BAIAP2: variants seen among roughly 807,000 people sequenced by gnomAD.
BAIAP2 encodes the protein BAR/IMD domain containing adaptor protein 2.
BAIAP2 carries 18 observed loss-of-function variants against 63.0 expected under a neutral mutation model. The ratio of observed to expected loss-of-function variants is 0.29; its 90% CI spans 0.20 to 0.42. BAIAP2 has a LOEUF of 0.42. Among genes scored for constraint, BAIAP2 ranks in the 10% least tolerant of loss-of-function variants. The pLI, the probability that BAIAP2 is intolerant of heterozygous loss-of-function variation, is 1.00. For missense variants in BAIAP2, 610 were observed against 734.3 expected, an observed-to-expected ratio of 0.83 and a Z score of 1.96; for synonymous variants, 386 against 307.6, an observed-to-expected ratio of 1.25 and a Z score of -2.67.
intron 6 of BAIAP2, among the ~76,000 whole-genome samples, chr17:81,088,910 C>G (rs930236369): frequency 2.0e-5 from 3 of 152,228 alleles, no homozygotes; most frequent in Non-Finnish European, 4.4e-5. Context: ...CCCCCTCCCT[C>G]CTGCAGGCTG....
chr17:81,104,276 C>T (rs1027421206), intron 9 of BAIAP2, among the ~76,000 whole-genome samples, 168 bp downstream of exon 9: 3 of 152,228 alleles, frequency 2.0e-5, no homozygotes, highest in Non-Finnish European at 2.9e-5. Flanking sequence ...TGCCCAGCAT[C>T]CAGCTCCCTC....
chr17:81,052,674 C>A (rs2048855949), intron 1 of BAIAP2, among the ~76,000 whole-genome samples: 1 of 152,306 alleles, frequency 6.6e-6, no homozygotes, highest in East Asian at 1.9e-4. Context: ...CCCTAAATGC[C>A]CTTTCTATCT....
chr17:81,098,406 C>T (rs1053872086), intron 6 of BAIAP2, among the ~76,000 whole-genome samples: 9 of 148,138 alleles, frequency 6.1e-5, no homozygotes. Context: ...TTTGCTTGCA[C>T]TACTTCTTTT....
Position 81,116,123 on chromosome 17 carries a change from G to A in BAIAP2, c.*284G>A. 1.9e-6 allele frequency: 3 copies of A among 1,574,106 alleles called. No homozygotes were observed. The highest frequency in any genetic ancestry group is 1.1e-5 in the South Asian group (1 of 87,570). On this transcript the variant is annotated 3_prime_UTR_variant, in exon 14 of 14. Coordinates refer to ENST00000428708, the MANE Select transcript of BAIAP2 (RefSeq NM_001144888.2). ...TCTGGTCACATGGCCATGGAGCCTT[G>A]GGTACCCCTGAGTTAAGGGAGGACA...
At chr17:81,093,127 GGCTGT>G (rs1197363675) in intron 6 of BAIAP2, among the ~76,000 whole-genome samples, 7 of 142,640 alleles carry the variant, frequency 4.9e-5, no homozygotes, top group African/African-American at 1.3e-4. Context: ...GGCTGGGCTG[GGCTGT>G]GGGCACGAGG....
chr17:81,116,159 T>G lies in BAIAP2; in HGVS notation c.*320T>G. 1 of 1,602,976 alleles carries G rather than the reference T, an allele frequency of 6.2e-7. No individual in the cohort carries two copies. Among genetic ancestry groups the G allele is most frequent in the Non-Finnish European group, 8.5e-7 (1 of 1,174,492 alleles). ...AGTTAAGGGAGGACATTTGGCCAGC[T>G]GGTGGCTGGGAGGGGAGCCTGGCTG... On this transcript the variant is annotated 3_prime_UTR_variant, in exon 14 of 14. Coordinates refer to ENST00000428708, the MANE Select transcript of BAIAP2 (RefSeq NM_001144888.2).
intron 3 of BAIAP2, among the ~76,000 whole-genome samples, chr17:81,066,885 G>C (rs2051567311): frequency 6.6e-6 from 1 of 152,220 alleles, no homozygotes; most frequent in Non-Finnish European, 1.5e-5. Flanking sequence ...CAGTGACTGT[G>C]ACAGCAGTGT....
In BAIAP2 at chr17:81,071,767, G is replaced by A. The variant is rs577955943; in HGVS notation, c.218-13065G>A. The stretch of plus-strand genomic sequence containing the variant: ...TCTCCGCACCATCCCGCACCGCCAC[G>A]AGCTGCTGTGGCTCACATTCTGCCA... On this transcript the variant is annotated intron_variant, in intron 3 of 13. Transcript: ENST00000428708. 2.2e-4 allele frequency among the ~76,000 whole-genome samples: 34 copies of A among 152,352 alleles called. No homozygotes were observed. The South Asian group carries it at 4.3e-3, about 19-fold the overall frequency.
At chr17:81,039,179 C>T (rs2046744478) in intron 1 of BAIAP2, among the ~76,000 whole-genome samples, 2 of 152,242 alleles carry the variant, frequency 1.3e-5, no homozygotes, top group Admixed American at 6.5e-5. Context: ...GGGCACGTCT[C>T]CCAGGAGCAG....
intron 1 of BAIAP2, among the ~76,000 whole-genome samples, chr17:81,047,408 A>G (rs922816315): frequency 3.2e-4 from 48 of 152,340 alleles, no homozygotes; most frequent in Admixed American, 3.9e-4. Context: ...GGGTCCTAGC[A>G]TCGACTCTTT....
chr17:81,055,572 TTG>T (rs200477869), intron 2 of BAIAP2, among the ~76,000 whole-genome samples: 2 of 114,076 alleles, frequency 1.8e-5, no homozygotes, highest in Admixed American at 2.0e-4. Context: ...GCAGGGTGTT[TTG>T]TTTTTTTTTG....
chr17:81,113,769 A>T (rs564561900), intron 13 of BAIAP2, among the ~76,000 whole-genome samples: 85 of 152,214 alleles, frequency 5.6e-4, no homozygotes, highest in African/African-American at 2.0e-3. Flanking sequence ...CAGGTTAGAG[A>T]ACAGGCCTGC....
chr17:81,047,069 G>A lies in BAIAP2; in HGVS notation c.55-6599G>A, dbSNP rs111504631. Among the ~76,000 whole-genome samples the A allele has an allele frequency of 3.3e-5, 5 of 152,348 alleles. 1 individual carries two copies. The highest frequency in any genetic ancestry group is 1.2e-4 in the African/African-American group (5 of 41,584). On this transcript the variant is annotated intron_variant, in intron 1 of 13. Transcript: ENST00000428708. The stretch of plus-strand genomic sequence containing the variant: ...GTGGGCGAGGGAGTGGGTGGGCAGG[G>A]CCCCTCCCCTCAACAGTCAGCCACC...
At chr17:81,109,467 T>C (rs2059633680) in intron 13 of BAIAP2, 1 of 984,916 alleles carries the variant, frequency 1.0e-6, no homozygotes, top group African/African-American at 1.8e-5. Flanking sequence ...TGGACTCCGG[T>C]GTGCGCTGTT....
intron 3 of BAIAP2, among the ~76,000 whole-genome samples, chr17:81,059,791 G>A (rs1316404210): frequency 6.6e-6 from 1 of 152,182 alleles, no homozygotes; most frequent in Admixed American, 6.5e-5. Context: ...AGGTGTTGAG[G>A]AGATGAGGTA....
At chr17:81,092,784 G>A (rs1008223262) in intron 6 of BAIAP2, among the ~76,000 whole-genome samples, 6 of 152,204 alleles carry the variant, frequency 3.9e-5, no homozygotes, top group African/African-American at 9.6e-5. Flanking sequence ...AGACGTGCCC[G>A]TCTGCCTGGA....
intron 3 of BAIAP2, among the ~76,000 whole-genome samples, chr17:81,072,927 C>T (rs1020744485): frequency 6.6e-6 from 1 of 152,004 alleles, no homozygotes; most frequent in Admixed American, 6.5e-5. Context: ...CTGATTTAAT[C>T]CCGGGTGCCG....
At chr17:81,048,738 G>A (rs577649200) in intron 1 of BAIAP2, among the ~76,000 whole-genome samples, 1 of 152,252 alleles carries the variant, frequency 6.6e-6, no homozygotes, top group South Asian at 2.1e-4. Context: ...GGGGTCCCTG[G>A]GGGCTGTAGT....
intron 13 of BAIAP2, chr17:81,111,002 T>C: frequency 6.2e-7 from 1 of 1,611,870 alleles, no homozygotes; most frequent in Non-Finnish European, 8.5e-7. Context: ...GCCTCTCCAG[T>C]GGTTCTCCAC....
Sources: allele counts gnomAD v4.1 joint callset (sites outside exome capture counted in the v4.1 genomes callset), GRCh38; gene constraint gnomAD v4.1.1; transcripts MANE v1.5; gene names NCBI Gene and HGNC (gene_info 2026-07-23, HGNC 2026-07-21).